SLC19A1: variants seen among roughly 807,000 people sequenced by gnomAD.
SLC19A1 encodes reduced folate transporter.
SLC19A1 carries 37 observed loss-of-function variants against 35.3 expected under a neutral mutation model. That is an observed-to-expected ratio of 1.05 (90% CI 0.81 to 1.38). The LOEUF (loss-of-function observed/expected upper bound fraction) is 1.38, where lower values mean the gene tolerates loss of function less well. Ranked by LOEUF, SLC19A1 falls within the 40% of genes most tolerant of loss-of-function variation. The pLI, the probability that SLC19A1 is intolerant of heterozygous loss-of-function variation, is 0.00. For missense variants in SLC19A1, 831 were observed against 826.9 expected (o/e 1.00, Z -0.06); for synonymous variants, 460 against 398.5 (o/e 1.15, Z -1.84).
chr21:45,521,652 G>T (rs937303567), intron 5 of SLC19A1, among the ~76,000 whole-genome samples: 1 of 152,152 alleles, frequency 6.6e-6, no homozygotes, highest in Admixed American at 6.5e-5. Context: ...GTGTGATATT[G>T]GTACAAGAGT....
chr21:45,531,318 A>C (rs1355363687), intron 3 of SLC19A1, 71 bp downstream of exon 3: 15 of 1,517,922 alleles, frequency 9.9e-6, no homozygotes, highest in Non-Finnish European at 1.3e-5. Flanking sequence ...CGGGGGAAGG[A>C]TCCACGGGGC....
chr21:45,551,888 G>A (rs936423422), intron 1 of SLC19A1, among the ~76,000 whole-genome samples: 6 of 152,096 alleles, frequency 3.9e-5, no homozygotes, highest in Admixed American at 2.6e-4. Flanking sequence ...TGGGGTTCGC[G>A]CCTCCCTGCA....
At chr21:45,512,100 C>T (rs947019516), downstream of SLC19A1, 175 of 1,447,714 alleles carry the variant, frequency 1.2e-4, no homozygotes, top group Admixed American at 1.8e-4. Context: ...GGGCTGGCCT[C>T]CTGCCTCCAC....
At chr21:45,510,369 TACAG>T, downstream of SLC19A1, 2 of 1,262,102 alleles carry the variant, frequency 1.6e-6, no homozygotes, top group South Asian at 1.3e-5. Context: ...GCCACCATGT[TACAG>T]ACACTGGCGC....
rs371532964 is a variant in SLC19A1, at chr21:45,540,752, GAA to G, written c.-50+1614_-50+1615del. ...TGAGGCCTCTTCCCGGCATCTGAAGGAAGTCCCCGACCAGACAGGAGGGCCAC... is the reference window on the plus strand; with the variant it reads ...TGAGGCCTCTTCCCGGCATCTGAAGGGTCCCCGACCAGACAGGAGGGCCAC... On this transcript the variant is annotated intron_variant, in intron 1 of 5. Coordinates refer to ENST00000311124, the MANE Select transcript of SLC19A1 (RefSeq NM_194255.4). The surrounding 1 kb of genome is among the most constrained non-coding windows in gnomAD (Gnocchi z 5.5). 3.4e-4 allele frequency among the ~76,000 whole-genome samples: 52 copies of G among 152,262 alleles called. 1 individual carries two copies. The highest frequency in any genetic ancestry group is 1.1e-3 in the African/African-American group (45 of 41,548).
intron 3 of SLC19A1, chr21:45,503,104 T>C (rs2036952614): frequency 6.6e-6 from 1 of 152,182 alleles, no homozygotes; most frequent in Non-Finnish European, 1.5e-5. Context: ...GATGGCTGGG[T>C]CAAATGGTAT....
chr21:45,559,799 G>A (rs1248770776), intron 1 of SLC19A1, among the ~76,000 whole-genome samples: 1 of 152,216 alleles, frequency 6.6e-6, no homozygotes, highest in Non-Finnish European at 1.5e-5. Flanking sequence ...ATTTTTAAGA[G>A]AAATTGCTAG....
downstream of SLC19A1, chr21:45,512,218 C>A (rs766692112): frequency 1.9e-6 from 3 of 1,612,392 alleles, no homozygotes; most frequent in Non-Finnish European, 2.5e-6. Context: ...ATGGCTCGGA[C>A]CCCAACGGGC....
intron 1 of SLC19A1, among the ~76,000 whole-genome samples, chr21:45,552,195 A>T (rs1484946656): frequency 6.6e-6 from 1 of 152,242 alleles, no homozygotes; most frequent in Non-Finnish European, 1.5e-5. Flanking sequence ...CTGTCAGACC[A>T]GAGAGATCTG....
At chr21:45,537,726 C>T in intron 2 of SLC19A1, 45 bp downstream of exon 2, 2 of 184,452 alleles carry the variant, frequency 1.1e-5, no homozygotes, top group Non-Finnish European at 2.2e-5. Context: ...TGCTCCCCGC[C>T]CACCCACCCA....
downstream of SLC19A1, among the ~76,000 whole-genome samples, chr21:45,510,946 C>CCCACACACACACAT (rs149520091): frequency 0.45 from 25,444 of 57,066 alleles, 5,604 homozygotes; most frequent in East Asian, 0.64. Flanking sequence ...AAAACACACA[C>CCCACACACACACAT]CCACAACACC....
At chr21:45,505,656 A>G (rs1017892685) in intron 3 of SLC19A1, among the ~76,000 whole-genome samples, 14 of 152,098 alleles carry the variant, frequency 9.2e-5, no homozygotes, top group African/African-American at 2.4e-4. Flanking sequence ...TTGTCCACGG[A>G]GGCGCAGGAG....
intron 1 of SLC19A1, among the ~76,000 whole-genome samples, chr21:45,553,033 G>A (rs557844609): frequency 6.6e-6 from 1 of 152,228 alleles, no homozygotes; most frequent in East Asian, 1.9e-4. Context: ...CAAATCGCAG[G>A]GGGCAGATTC....
In SLC19A1 at chr21:45,515,861, G is replaced by A; in HGVS notation, c.1573C>T (p.Leu525=). 1.3e-6 allele frequency: 2 copies of A among 1,589,456 alleles called. No individual in the cohort carries two copies. Among genetic ancestry groups the A allele is most frequent in the Non-Finnish European group, 1.7e-6 (2 of 1,167,118 alleles). ...GCCTGCGGGGCCGGGGCCTGGGCCA[G>A]GTATGGGTCGCTCTGTCTCTGCTCC... ...SLEQRQSDPY[L]AQAPAPQAAE... The change falls in exon 6 of 6, where the codon CTG becomes TTG. Residue 525 remains leucine, a synonymous_variant. Coordinates refer to ENST00000311124, the MANE Select transcript of SLC19A1 (RefSeq NM_194255.4).
intron 1 of SLC19A1, among the ~76,000 whole-genome samples, chr21:45,551,702 G>T (rs574618872): frequency 3.3e-5 from 5 of 152,174 alleles, no homozygotes; most frequent in Non-Finnish European, 7.3e-5. Flanking sequence ...TTGGTTTTGG[G>T]TTATGTTTTA....
At chr21:45,510,946 C>CCCACACACACACAG (rs149520091), downstream of SLC19A1, among the ~76,000 whole-genome samples, 1 of 57,382 alleles carries the variant, frequency 1.7e-5, no homozygotes, top group Non-Finnish European at 3.1e-5. Flanking sequence ...AAAACACACA[C>CCCACACACACACAG]CCACAACACC....
At chr21:45,561,053 G>A (rs977242793) in intron 1 of SLC19A1, among the ~76,000 whole-genome samples, 1 of 152,200 alleles carries the variant, frequency 6.6e-6, no homozygotes, top group Non-Finnish European at 1.5e-5. Flanking sequence ...AAACGACCAA[G>A]CCTAATCCAC....
rs1306317164 is a variant in SLC19A1, at chr21:45,504,233, T to C, written c.498-5621A>G. 15 of 901,954 alleles carry C rather than the reference T, an allele frequency of 1.7e-5. No homozygotes were observed. The Admixed American group carries it at 3.2e-4, about 19-fold the overall frequency. The allele number at this position is 901,954 out of a possible 1,614,324, so 55.9% of individuals were successfully genotyped here. A position where few individuals can be genotyped will look rare whatever the true frequency, so the allele number is the denominator to read the frequency against. On this transcript the variant is annotated intron_variant, in intron 3 of 4. Coordinates refer to the SLC19A1 transcript ENST00000417954. ...AGGATGTTCCTGTCCCCGGCTCAGT[T>C]TTTGGGGGACTCGGCTGATGCAGTG...
intron 3 of SLC19A1, among the ~76,000 whole-genome samples, chr21:45,503,664 A>ACC: frequency 6.7e-6 from 1 of 149,034 alleles, no homozygotes; most frequent in South Asian, 2.2e-4. Flanking sequence ...GAGGGATAGC[A>ACC]TTGGGAGATA....
Sources: allele counts gnomAD v4.1 joint callset (sites outside exome capture counted in the v4.1 genomes callset), GRCh38; gene constraint gnomAD v4.1.1; non-coding constraint Gnocchi (gnomAD v3.1); transcripts MANE v1.5; gene names NCBI Gene and HGNC (gene_info 2026-07-23, HGNC 2026-07-21).